The following ACOX3 variants were observed in gnomAD, a reference collection of about 807,000 sequenced individuals.
ACOX3 encodes acyl-CoA oxidase 3, pristanoyl.
A neutral mutation model predicts 81.5 loss-of-function variants in ACOX3; 73 were observed. The ratio of observed to expected loss-of-function variants is 0.90; its 90% CI spans 0.74 to 1.09. The LOEUF is 1.09. ACOX3 is among the 50% of genes least tolerant of loss of function. The pLI, the probability that ACOX3 is intolerant of heterozygous loss-of-function variation, is 0.00. For synonymous variants in ACOX3, 387 were observed against 375.1 expected, an observed-to-expected ratio of 1.03 and a Z score of -0.37; for missense variants, 947 against 928.0, an observed-to-expected ratio of 1.02 and a Z score of -0.27.
intron 1 of ACOX3, among the ~76,000 whole-genome samples, chr4:8,433,688 T>G (rs1724074116): frequency 6.6e-6 from 1 of 152,226 alleles, no homozygotes; most frequent in Non-Finnish European, 1.5e-5. Flanking sequence ...ATAAATCACA[T>G]GATTTGAGTT....
At chr4:8,433,053 T>G (rs957004475) in intron 1 of ACOX3, among the ~76,000 whole-genome samples, 5 of 152,252 alleles carry the variant, frequency 3.3e-5, no homozygotes, top group Admixed American at 3.3e-4. Context: ...CAGTGCTATG[T>G]AGACACTATT....
intron 13 of ACOX3, among the ~76,000 whole-genome samples, chr4:8,383,633 A>T (rs1400176627): frequency 6.6e-6 from 1 of 152,196 alleles, no homozygotes; most frequent in Non-Finnish European, 1.5e-5. Context: ...CTCTGCACCA[A>T]GAGAGTCACT....
At chr4:8,372,923 C>T (rs987288061) in intron 16 of ACOX3, among the ~76,000 whole-genome samples, 3 of 152,184 alleles carry the variant, frequency 2.0e-5, no homozygotes, top group African/African-American at 4.8e-5. Context: ...GAAAGGAAAT[C>T]GGAGACCCTC....
intron 1 of ACOX3, among the ~76,000 whole-genome samples, chr4:8,434,402 G>GAAGCGAGGTAT (rs1358656999): frequency 2.0e-5 from 3 of 152,242 alleles, no homozygotes; most frequent in African/African-American, 7.2e-5. Context: ...CCCTGACTGA[G>GAAGCGAGGTAT]AAGCGAGGTG....
chr4:8,419,766 T>C lies in ACOX3; in HGVS notation c.-14-3231A>G, dbSNP rs900260244. 3.3e-5 allele frequency among the ~76,000 whole-genome samples: 5 copies of C among 152,240 alleles called. No individual in the cohort carries two copies. The highest frequency in any genetic ancestry group is 3.3e-4 in the Admixed American group (5 of 15,298). ...GTTCTGGAGATGCCCATACTGAGTGTTCAACACTGAATTCAGCCTCTCAGC... is the reference window on the plus strand; with the variant it reads ...GTTCTGGAGATGCCCATACTGAGTGCTCAACACTGAATTCAGCCTCTCAGC... On this transcript the variant is annotated intron_variant, in intron 1 of 17. Transcript: ENST00000356406. This position sits in a 1 kb window ranked among gnomAD's most constrained non-coding sequence, Gnocchi z 4.2.
intron 11 of ACOX3, among the ~76,000 whole-genome samples, chr4:8,391,124 A>G (rs1718950166): frequency 6.6e-6 from 1 of 152,224 alleles, no homozygotes. Flanking sequence ...TGCAAGATTC[A>G]ATTTCCTTAT....
intron 14 of ACOX3, among the ~76,000 whole-genome samples, chr4:8,379,373 T>C (rs765565576): frequency 3.9e-5 from 6 of 152,162 alleles, no homozygotes; most frequent in Non-Finnish European, 8.8e-5. Flanking sequence ...GGGGCAGGTC[T>C]GGAACACGAA....
Position 8,406,111 on chromosome 4 carries a change from T to C in ACOX3, c.688-68A>G. The C allele has an allele frequency of 6.6e-7, 1 of 1,514,322 alleles. No individual in the cohort carries two copies. Among genetic ancestry groups the C allele is most frequent in the Middle Eastern group, 1.7e-4 (1 of 5,870 alleles). The allele number at this position is 1,514,322 out of a possible 1,614,324, so 93.8% of individuals were successfully genotyped here. A position where few individuals can be genotyped will look rare whatever the true frequency, so the allele number is the denominator to read the frequency against. On this transcript the variant is annotated intron_variant, in intron 6 of 17. Coordinates refer to ENST00000356406, the MANE Select transcript of ACOX3 (RefSeq NM_003501.3). This position sits in a 1 kb window ranked among gnomAD's most constrained non-coding sequence, Gnocchi z 5.6. Reference sequence around the variant, plus strand: ...TCACACAAAAATCAAAACAAATGTGTTCAGAAACCCACAGGGTGGGCCATG... The same window carrying C: ...TCACACAAAAATCAAAACAAATGTGCTCAGAAACCCACAGGGTGGGCCATG...
chr4:8,400,814 C>T lies in ACOX3; in HGVS notation c.777-1162G>A, dbSNP rs1720288204. On this transcript the variant is annotated intron_variant, in intron 7 of 17. Coordinates refer to ENST00000356406, the MANE Select transcript of ACOX3 (RefSeq NM_003501.3). The surrounding 1 kb of genome is among the most constrained non-coding windows in gnomAD (Gnocchi z 4.4). Reference sequence around the variant, plus strand: ...ACCGGTTTTATGGAAGACAATTTTTCCACGAATGAGGGGGAGGTGGGAGTG... The same window carrying T: ...ACCGGTTTTATGGAAGACAATTTTTTCACGAATGAGGGGGAGGTGGGAGTG... Among the ~76,000 whole-genome samples, 1 of 152,110 alleles carries T rather than the reference C, an allele frequency of 6.6e-6. No homozygotes were observed. The highest frequency in any genetic ancestry group is 1.5e-5 in the Non-Finnish European group (1 of 68,018).
intron 7 of ACOX3, among the ~76,000 whole-genome samples, chr4:8,401,495 G>A (rs924482613): frequency 1.3e-5 from 2 of 152,018 alleles, no homozygotes; most frequent in Non-Finnish European, 2.9e-5. Context: ...TCCCCACCTA[G>A]GACCCAGCAC....
Position 8,394,564 on chromosome 4 carries a change from T to C in ACOX3, c.1179+56A>G. ...TTTGAAATGAAGGTTGAATCTATGC[T>C]GCTCCAACCGTGTGAGATTTAAACG... On this transcript the variant is annotated intron_variant, in intron 10 of 17. Transcript: ENST00000356406. This position sits in a 1 kb window ranked among gnomAD's most constrained non-coding sequence, Gnocchi z 5.9. 6.3e-7 allele frequency: 1 copy of C among 1,596,624 alleles called. No homozygotes were observed.
At chr4:8,361,837 G>A (rs1715239310), downstream of ACOX3, among the ~76,000 whole-genome samples, 1 of 152,170 alleles carries the variant, frequency 6.6e-6, no homozygotes, top group Admixed American at 6.5e-5. Flanking sequence ...AAATTGCTCA[G>A]GAAGCATTAT....
chr4:8,404,438 T>A (rs1373569644), intron 7 of ACOX3, among the ~76,000 whole-genome samples: 11 of 131,276 alleles, frequency 8.4e-5, no homozygotes, highest in African/African-American at 3.7e-4. Flanking sequence ...TGTTTTGCTT[T>A]TTTTTTTTTT....
At chr4:8,424,546 A>T (rs903196632) in intron 1 of ACOX3, among the ~76,000 whole-genome samples, 46 of 152,332 alleles carry the variant, frequency 3.0e-4, no homozygotes, top group African/African-American at 1.1e-3. Context: ...AGCAGTTAAA[A>T]TGATACAGGG....
chr4:8,389,069 C>A lies in ACOX3; in HGVS notation c.1537+104G>T. Reference sequence around the variant, plus strand: ...GGGGCCTCCCACCACCACTGCTGCCCCGGCTGGAACTGCCAAGGGTCCCCT... The same window carrying A: ...GGGGCCTCCCACCACCACTGCTGCCACGGCTGGAACTGCCAAGGGTCCCCT... On this transcript the variant is annotated intron_variant, in intron 13 of 17. Coordinates refer to ENST00000356406, the MANE Select transcript of ACOX3 (RefSeq NM_003501.3). This position sits in a 1 kb window ranked among gnomAD's most constrained non-coding sequence, Gnocchi z 5.3. 3.3e-6 allele frequency: 3 copies of A among 897,584 alleles called. No individual in the cohort carries two copies. The South Asian group carries it at 4.6e-5, about 14-fold the overall frequency. 55.6% of individuals were successfully genotyped at this position (897,584 alleles called of 1,614,324 possible).
At chr4:8,425,495 C>T (rs944094272) in intron 1 of ACOX3, among the ~76,000 whole-genome samples, 9 of 151,614 alleles carry the variant, frequency 5.9e-5, no homozygotes, top group South Asian at 2.1e-4. Flanking sequence ...ACCTATCAGA[C>T]GGCCAAATCA....
In ACOX3 at chr4:8,412,602, C is replaced by T. The variant is rs567336713; in HGVS notation, c.543+1690G>A. The stretch of plus-strand genomic sequence containing the variant: ...TGATGGATGGATGACTGGTTGAGCA[C>T]ATCCGCAGGTGCAGAGCTTCACTTC... On this transcript the variant is annotated intron_variant, in intron 5 of 17. Transcript: ENST00000356406. 2.6e-5 allele frequency among the ~76,000 whole-genome samples: 4 copies of T among 152,284 alleles called. No homozygotes were observed. In the South Asian group the frequency reaches 8.3e-4, roughly 32 times the overall value.
intron 9 of ACOX3, among the ~76,000 whole-genome samples, chr4:8,395,721 G>C (rs1336771879): frequency 6.6e-6 from 1 of 152,194 alleles, no homozygotes; most frequent in East Asian, 1.9e-4. Flanking sequence ...CCGCCGAGCT[G>C]CCCTTGGCAC....
At chr4:8,371,538 AC>A (rs1488662066) in intron 16 of ACOX3, among the ~76,000 whole-genome samples, 2 of 152,170 alleles carry the variant, frequency 1.3e-5, no homozygotes, top group African/African-American at 4.8e-5. Context: ...AAGATGCAAA[AC>A]AAAAATTATC....
Sources: allele counts gnomAD v4.1 joint callset (sites outside exome capture counted in the v4.1 genomes callset), GRCh38; gene constraint gnomAD v4.1.1; non-coding constraint Gnocchi (gnomAD v3.1); transcripts MANE v1.5; gene names NCBI Gene and HGNC (gene_info 2026-07-23, HGNC 2026-07-21).